The following CAST variants were observed in gnomAD, a reference collection of about 807,000 sequenced individuals.
CAST encodes the protein MIR583 host.
CAST carries 76 observed loss-of-function variants against 119.6 expected under a neutral mutation model. The ratio of observed to expected loss-of-function variants is 0.64; its 90% CI spans 0.53 to 0.77. CAST has a LOEUF of 0.77. Among genes scored for constraint, CAST ranks in the 30% least tolerant of loss-of-function variants. The pLI is 0.00. For synonymous variants in CAST, 319 were observed against 331.6 expected (o/e 0.96, Z 0.41); for missense variants, 953 against 946.5 (o/e 1.01, Z -0.09).
At chr5:96,583,901 A>G (rs944882721) in intron 1 of CAST, among the ~76,000 whole-genome samples, 1 of 152,234 alleles carries the variant, frequency 6.6e-6, no homozygotes, top group Non-Finnish European at 1.5e-5. Flanking sequence ...TAGAGGGGGT[A>G]GACAGAAACA....
the CAST span, among the ~76,000 whole-genome samples, chr5:96,448,993 C>A: frequency 6.6e-6 from 1 of 152,208 alleles, no homozygotes; most frequent in Non-Finnish European, 1.5e-5. Context: ...AACAACAATT[C>A]TCTGCCCTCC....
At chr5:96,746,645 A>C (rs1429170341) in intron 17 of CAST, among the ~76,000 whole-genome samples, 1 of 152,190 alleles carries the variant, frequency 6.6e-6, no homozygotes, top group Non-Finnish European at 1.5e-5. Flanking sequence ...TGTTCATTTA[A>C]ATTCCCACAG....
chr5:96,538,895 CAG>C (rs10555715), intron 1 of CAST, among the ~76,000 whole-genome samples: 92,259 of 151,248 alleles, frequency 0.61, 28,460 homozygotes, highest in East Asian at 0.86. Flanking sequence ...TCAAATGACT[CAG>C]AGAGGTATTC....
chr5:96,258,009 A>G, the CAST span, among the ~76,000 whole-genome samples: 1 of 152,206 alleles, frequency 6.6e-6, no homozygotes, highest in Non-Finnish European at 1.5e-5. Context: ...AAGGCTCAGC[A>G]TGGACCACCT....
At chr5:96,029,392 A>G in the CAST span, among the ~76,000 whole-genome samples, 367 of 152,260 alleles carry the variant, frequency 2.4e-3, 1 homozygote, top group African/African-American at 8.5e-3. Flanking sequence ...AAACTCATAA[A>G]ATGTAAAGAA....
the CAST span, among the ~76,000 whole-genome samples, chr5:96,063,496 A>T: frequency 2.6e-5 from 4 of 152,110 alleles, no homozygotes; most frequent in Admixed American, 2.6e-4. Context: ...TGTTGATCCC[A>T]AGGATACTTT....
At chr5:96,155,567 C>T in the CAST span, among the ~76,000 whole-genome samples, 15 of 152,256 alleles carry the variant, frequency 9.9e-5, no homozygotes, top group Admixed American at 1.3e-4. Context: ...GGATATGTTC[C>T]GATGGAAATC....
At chr5:96,576,634 C>T (rs544188276) in intron 1 of CAST, among the ~76,000 whole-genome samples, 76 of 152,014 alleles carry the variant, frequency 5.0e-4, no homozygotes, top group South Asian at 2.3e-3. Context: ...TGTGAGCCAC[C>T]GCACCTGACA....
At position 96,742,748 on chromosome 5, in the gene CAST, G is replaced by A; in HGVS notation, c.1192G>A (p.Val398Ile). Residue 398 changes from valine to isoleucine, a missense_variant, in exon 16 of 32, where the codon GTC (valine) becomes ATC (isoleucine). Physicochemically the swap from Val to Ile is conservative, Grantham distance 29. Transcript: ENST00000675179. ...GCTCGACCTCCGCTCAATTAAGGAA[G>A]TCGATGAGGTACTGACCTTAGAGTT... ...PELDLRSIKE[V>I]DEAKAKEEKL... 1 of 1,611,948 alleles carries A rather than the reference G, an allele frequency of 6.2e-7. No individual in the cohort carries two copies. The highest frequency in any genetic ancestry group is 8.5e-7 in the Non-Finnish European group (1 of 1,178,056).
At chr5:96,272,054 A>G in the CAST span, among the ~76,000 whole-genome samples, 1 of 152,220 alleles carries the variant, frequency 6.6e-6, no homozygotes, top group African/African-American at 2.4e-5. Flanking sequence ...AATCAAAACC[A>G]TAATGAGATA....
At chr5:96,459,420 C>T in the CAST span, among the ~76,000 whole-genome samples, 4 of 152,098 alleles carry the variant, frequency 2.6e-5, no homozygotes, top group Admixed American at 2.0e-4. Context: ...CAAAATGGGG[C>T]ACTGGATGAA....
At chr5:96,613,558 G>A (rs1436166025) in intron 1 of CAST, among the ~76,000 whole-genome samples, 11 of 152,182 alleles carry the variant, frequency 7.2e-5, no homozygotes. Context: ...CATGTTATCA[G>A]TAGTCAGTGA....
At chr5:96,165,097 G>A in the CAST span, among the ~76,000 whole-genome samples, 23 of 152,218 alleles carry the variant, frequency 1.5e-4, no homozygotes, top group South Asian at 4.0e-3. Context: ...TGAGGCCTCC[G>A]AGAGCGGTCA....
At chr5:96,616,928 C>T (rs1035367546) in intron 1 of CAST, among the ~76,000 whole-genome samples, 2 of 152,058 alleles carry the variant, frequency 1.3e-5, no homozygotes, top group African/African-American at 2.4e-5. Flanking sequence ...CTCTGGTTCT[C>T]TCATGGCAGG....
chr5:96,172,663 A>G, the CAST span, among the ~76,000 whole-genome samples: 1 of 152,254 alleles, frequency 6.6e-6, no homozygotes, highest in Non-Finnish European at 1.5e-5. Context: ...GAGGGAGAAC[A>G]ATAATTCTTA....
rs59338324 is a variant in CAST at position 96,765,327 on chromosome 5, TAA to T, written c.2037+27_2037+28del. 0.23 allele frequency: 117,411 copies of T among 502,162 alleles called. 8,837 individuals are homozygous for T. The highest frequency in any genetic ancestry group is 0.28 in the Admixed American group (6,295 of 22,388). The allele number at this position is 502,162 out of a possible 1,614,324, so 31.1% of individuals were successfully genotyped here. A position where few individuals can be genotyped will look rare whatever the true frequency, so the allele number is the denominator to read the frequency against. ...AAACCAATGGAAGATAAAGTAAAGG[TAA>T]AAAAAAAAAAAAAAAAAAAAAAAAT... On this transcript the variant is annotated splice_donor_region_variant and intron_variant, in intron 26 of 31. Coordinates refer to ENST00000675179, the MANE Select transcript of CAST (RefSeq NM_001750.7).
At chr5:96,285,263 TAAAG>T in the CAST span, among the ~76,000 whole-genome samples, 5 of 152,050 alleles carry the variant, frequency 3.3e-5, no homozygotes, top group African/African-American at 4.8e-5. Flanking sequence ...AAAAAGATGA[TAAAG>T]AAATAAACCG....
At chr5:96,210,208 T>C in the CAST span, 1 of 151,992 alleles carries the variant, frequency 6.6e-6, no homozygotes, top group Non-Finnish European at 1.5e-5. Context: ...TTTTAGTATA[T>C]GTGCTGCCAA....
chr5:96,228,916 C>T, the CAST span, among the ~76,000 whole-genome samples: 1 of 151,808 alleles, frequency 6.6e-6, no homozygotes, highest in Admixed American at 6.6e-5. Flanking sequence ...ACATACTGTA[C>T]CAAAATTATC....
Sources: gnomAD v4.1 joint callset for allele counts (sites outside exome capture counted in the v4.1 genomes callset) on GRCh38, gnomAD v4.1.1 for gene constraint, MANE v1.5 for transcripts, NCBI Gene and HGNC (gene_info 2026-07-23, HGNC 2026-07-21) for gene names.